JMJD6: variants seen among roughly 807,000 people sequenced by gnomAD.
JMJD6 encodes jumonji domain containing 6, arginine demethylase and lysine hydroxylase.
JMJD6 carries 17 observed loss-of-function variants against 45.8 expected under a neutral mutation model. The observed-to-expected ratio is 0.37, with a 90% CI of 0.25 to 0.56. The LOEUF (loss-of-function observed/expected upper bound fraction) is 0.56, where lower values mean the gene tolerates loss of function less well. Among genes scored for constraint, JMJD6 ranks in the 20% least tolerant of loss-of-function variants. The pLI is 0.79. For missense variants in JMJD6, 470 were observed against 517.5 expected (o/e 0.91, Z 0.89); for synonymous variants, 221 against 196.3 (o/e 1.13, Z -1.05).
chr17:76,723,704 G>A, intron 3 of JMJD6, 68 bp downstream of exon 3: 2 of 1,467,326 alleles, frequency 1.4e-6, no homozygotes, highest in South Asian at 1.2e-5. Context: ...GCCTCCCAAA[G>A]TGCTGGGATT....
chr17:76,713,697 T>G (rs1362988836), downstream of JMJD6: 1 of 152,240 alleles, frequency 6.6e-6, no homozygotes, highest in African/African-American at 2.4e-5. Flanking sequence ...TATACTCGTC[T>G]AAAGTCCTAA....
In JMJD6 at chr17:76,726,513, C is replaced by G; in HGVS notation, c.-38G>C. 6.4e-7 allele frequency: 1 copy of G among 1,570,074 alleles called. No homozygotes were observed. Among genetic ancestry groups the G allele is most frequent in the South Asian group, 1.1e-5 (1 of 87,346 alleles). ...CCAGCTGGTTCCGCTACGACCTCGG[C>G]GCAGCCCGCTTCCTGACACTAACGC... On this transcript the variant is annotated 5_prime_UTR_variant, in exon 1 of 6. Coordinates refer to ENST00000397625, the MANE Select transcript of JMJD6 (RefSeq NM_015167.3).
chr17:76,724,586 G>T (rs904663599), intron 2 of JMJD6, among the ~76,000 whole-genome samples: 12 of 152,002 alleles, frequency 7.9e-5, no homozygotes, highest in African/African-American at 2.7e-4. Flanking sequence ...GGAGGCAGAG[G>T]TGGGTGCATC....
chr17:76,725,996 C>A, intron 1 of JMJD6, 141 bp from the exon 2 acceptor site: 1 of 1,146,726 alleles, frequency 8.7e-7, no homozygotes, highest in Non-Finnish European at 1.2e-6. Context: ...GGGGGCAGGG[C>A]GCGTGCGTGA....
downstream of JMJD6, chr17:76,713,983 C>CATA (rs1567995254): frequency 6.6e-6 from 1 of 152,244 alleles, no homozygotes; most frequent in Admixed American, 6.5e-5. Context: ...GGCTTGTCAC[C>CATA]GTTATCTCCA....
At chr17:76,718,003 TA>T (rs796222709), downstream of JMJD6, among the ~76,000 whole-genome samples, 22 of 121,242 alleles carry the variant, frequency 1.8e-4, no homozygotes, top group African/African-American at 3.8e-4. Context: ...AAAAAAATAA[TA>T]AAAAAAAAAT....
chr17:76,719,254 G>A (rs1347877505), intron 5 of JMJD6, among the ~76,000 whole-genome samples: 3 of 152,030 alleles, frequency 2.0e-5, no homozygotes, highest in East Asian at 3.9e-4. Flanking sequence ...CCCGCCTGAC[G>A]AGAAAAGACT....
intron 3 of JMJD6, 82 bp from the exon 4 acceptor site, chr17:76,722,015 A>G: frequency 1.4e-6 from 2 of 1,468,462 alleles, no homozygotes; most frequent in East Asian, 4.8e-5. Context: ...GAAATTGGGA[A>G]CTCCTACCCA....
chr17:76,726,034 C>A (rs560785436), intron 1 of JMJD6, among the ~76,000 whole-genome samples, 179 bp from the exon 2 acceptor site: 3 of 152,214 alleles, frequency 2.0e-5, no homozygotes, highest in Admixed American at 6.5e-5. Flanking sequence ...AGCCACCCCC[C>A]ATGAGCCTTG....
downstream of JMJD6, among the ~76,000 whole-genome samples, chr17:76,717,072 A>AT (rs1225842667): frequency 3.3e-5 from 5 of 152,168 alleles, no homozygotes; most frequent in African/African-American, 1.2e-4. Flanking sequence ...AGGCCACGCG[A>AT]TAGGAGGGCT....
At chr17:76,718,893 A>G (rs755269894) in intron 5 of JMJD6, 33 bp from the exon 6 acceptor site, 6 of 1,603,134 alleles carry the variant, frequency 3.7e-6, no homozygotes, top group Middle Eastern at 1.7e-4. Flanking sequence ...CAAGGAGTCA[A>G]CCTGGATGCA....
rs753607932 is a variant in JMJD6, at chr17:76,720,495, A to C, written c.945T>G (p.Ile315Met). 6.2e-7 allele frequency: 1 copy of C among 1,614,034 alleles called. No homozygotes were observed. Among genetic ancestry groups the C allele is most frequent in the East Asian group, 2.2e-5 (1 of 44,882 alleles). ...RPKLSRKWYR[I>M]LKQEHPELAV... Reference sequence around the variant, plus strand: ...CCAACTCGGGGTGCTCTTGCTTCAAAATCCTGAGAGGCAAGAAGTGTTGTT... The same window carrying C: ...CCAACTCGGGGTGCTCTTGCTTCAACATCCTGAGAGGCAAGAAGTGTTGTT... Residue 315 changes from isoleucine to methionine, a missense_variant, in exon 5 of 6, where the codon ATT becomes ATG. This residue lies in a region of JMJD6 where 58 missense variants were observed against 103.9 expected (regional missense o/e 0.56). Transcript: ENST00000397625.
chr17:76,724,620 C>T (rs866666513), intron 2 of JMJD6, among the ~76,000 whole-genome samples: 3 of 151,708 alleles, frequency 2.0e-5, no homozygotes, highest in Middle Eastern at 3.4e-3. Flanking sequence ...AGTTCAAGAC[C>T]AGCCTGACCA....
At chr17:76,724,549 G>A (rs1363366597) in intron 2 of JMJD6, among the ~76,000 whole-genome samples, 1 of 152,264 alleles carries the variant, frequency 6.6e-6, no homozygotes, top group East Asian at 1.9e-4. Flanking sequence ...TGGGGCGGTA[G>A]CTCACGCCTG....
intron 2 of JMJD6, 147 bp from the exon 3 acceptor site, chr17:76,724,205 C>A: frequency 1.2e-6 from 1 of 825,692 alleles, no homozygotes; most frequent in Non-Finnish European, 1.9e-6. Flanking sequence ...ACAGTAACCT[C>A]TGCTTCCCCA....
At chr17:76,723,663 G>A (rs1194763761) in intron 3 of JMJD6, 109 bp downstream of exon 3, 14 of 1,024,268 alleles carry the variant, frequency 1.4e-5, no homozygotes, top group African/African-American at 3.2e-5. Context: ...GGATGGTCTC[G>A]ATCTCCTGAC....
At chr17:76,716,790 C>G (rs541185905), downstream of JMJD6, 510 of 1,577,358 alleles carry the variant, frequency 3.2e-4, no homozygotes, top group Admixed American at 4.5e-4. Context: ...AGCTGGAAGG[C>G]AATGTTAAAA....
chr17:76,723,722 T>C, intron 3 of JMJD6, 50 bp downstream of exon 3: 2 of 1,574,320 alleles, frequency 1.3e-6, no homozygotes, highest in East Asian at 4.5e-5. Context: ...ATTACAGGCA[T>C]GAACCACCGC....
In JMJD6 at chr17:76,725,707, T is replaced by C; in HGVS notation, c.278A>G (p.Lys93Arg). 1 of 1,614,068 alleles carries C rather than the reference T, an allele frequency of 6.2e-7. No individual in the cohort carries two copies. Among genetic ancestry groups the C allele is most frequent in the Non-Finnish European group, 8.5e-7 (1 of 1,180,008 alleles). ...EKWTLERLKRKYRNQKFKCGE... is the reference protein window; with the variant it reads ...EKWTLERLKRRYRNQKFKCGE... ...ACACTTGAACTTCTGGTTCCGATATTTCCTTTTTAGGCGCTCCAGAGTCCA... is the reference window on the plus strand; with the variant it reads ...ACACTTGAACTTCTGGTTCCGATATCTCCTTTTTAGGCGCTCCAGAGTCCA... The change falls in exon 2 of 6, where the codon AAA becomes AGA. Residue 93 changes from lysine (K) to arginine (R), a missense_variant. Around this residue, in one of 4 missense-constraint regions of JMJD6, gnomAD observed 346 missense variants for 339.5 expected, o/e 1.02. Coordinates refer to ENST00000397625, the MANE Select transcript of JMJD6 (RefSeq NM_015167.3).
Sources: gnomAD v4.1 joint callset for allele counts (sites outside exome capture counted in the v4.1 genomes callset) on GRCh38, gnomAD v4.1.1 for gene constraint, gnomAD v4.1.1 regional missense constraint, MANE v1.5 for transcripts, NCBI Gene and HGNC (gene_info 2026-07-23, HGNC 2026-07-21) for gene names.